SENP1: variants seen among roughly 807,000 people sequenced by gnomAD.
The protein encoded by SENP1 is sentrin-specific protease 1.
A neutral mutation model predicts 93.0 loss-of-function variants in SENP1; 21 were observed. That is an observed-to-expected ratio of 0.23 (90% CI 0.16 to 0.33). The LOEUF (loss-of-function observed/expected upper bound fraction) is 0.33, where lower values mean the gene tolerates loss of function less well. SENP1 is among the 10% of genes least tolerant of loss of function. The pLI, the probability that SENP1 is intolerant of heterozygous loss-of-function variation, is 1.00. For missense variants in SENP1, 591 were observed against 758.7 expected (o/e 0.78, Z 2.60); for synonymous variants, 256 against 259.6 (o/e 0.99, Z 0.13).
chr12:48,064,811 G>A (rs1018691324), intron 12 of SENP1, among the ~76,000 whole-genome samples: 2 of 151,976 alleles, frequency 1.3e-5, no homozygotes, highest in African/African-American at 4.8e-5. Flanking sequence ...TGTGTAGCTG[G>A]GATTACAGGT....
rs147415190 is a variant in SENP1 at position 48,087,600 on chromosome 12, G to A, written c.380+1201C>T. On this transcript the variant is annotated intron_variant, in intron 5 of 17. Coordinates refer to ENST00000549518, the MANE Select transcript of SENP1 (RefSeq NM_001267594.2). The stretch of plus-strand genomic sequence containing the variant: ...TTGGAAGGAAACACACCAAGGAAAA[G>A]GGATTGGGATTGTGGGTAGTGGTCA... Among the ~76,000 whole-genome samples the A allele has an allele frequency of 4.3e-3, 650 of 152,322 alleles. 4 individuals carry two copies. Among genetic ancestry groups the A allele is most frequent in the Non-Finnish European group, 6.0e-3 (411 of 68,034 alleles).
chr12:48,100,779 G>C (rs1945871463), intron 2 of SENP1, among the ~76,000 whole-genome samples: 1 of 152,188 alleles, frequency 6.6e-6, no homozygotes, highest in Non-Finnish European at 1.5e-5. Flanking sequence ...GTTTCCTTGT[G>C]ATATAATAGG....
At chr12:48,048,384 A>G (rs552492500) in intron 14 of SENP1, among the ~76,000 whole-genome samples, 58 of 152,334 alleles carry the variant, frequency 3.8e-4, no homozygotes, top group Non-Finnish European at 4.1e-4. Context: ...TTTTCAGGGA[A>G]TATAAGGTGA....
At chr12:48,099,998 A>G (rs759220404) in intron 2 of SENP1, among the ~76,000 whole-genome samples, 2 of 152,338 alleles carry the variant, frequency 1.3e-5, no homozygotes, top group Non-Finnish European at 2.9e-5. Flanking sequence ...AACGACTTAC[A>G]CTGCTATCAG....
At position 48,045,083 on chromosome 12, in the gene SENP1, C is replaced by A; in HGVS notation, c.*239G>T. 2.1e-6 allele frequency: 1 copy of A among 486,962 alleles called. No individual in the cohort carries two copies. The highest frequency in any genetic ancestry group is 3.7e-6 in the Non-Finnish European group (1 of 269,370). The allele number at this position is 486,962 out of a possible 1,614,324, so 30.2% of individuals were successfully genotyped here. A position where few individuals can be genotyped will look rare whatever the true frequency, so the allele number is the denominator to read the frequency against. ...TGAAGAAGTGAAAAGCAGTCTCTCT[C>A]TTCAGCTTAGGGATGTCCCTCACCC... On this transcript the variant is annotated 3_prime_UTR_variant, in exon 18 of 18. Transcript: ENST00000549518.
chr12:48,079,902 C>A (rs182778441), intron 6 of SENP1, among the ~76,000 whole-genome samples: 144 of 152,236 alleles, frequency 9.5e-4, no homozygotes, highest in Non-Finnish European at 1.1e-3. Flanking sequence ...CAATAATTTT[C>A]TGAGTCCCAA....
chr12:48,079,844 T>C, intron 6 of SENP1, among the ~76,000 whole-genome samples: 1 of 152,344 alleles, frequency 6.6e-6, no homozygotes, highest in South Asian at 2.1e-4. Flanking sequence ...TTTCATTTTG[T>C]TTAAAGTAAT....
chr12:48,071,671 G>A lies in SENP1; in HGVS notation c.991C>T (p.Pro331Ser). ...LKVKDSQTPT[P>S]SSTFFQAELW... ...CAAGCTTTTTCCAAAGTTTACCTGG[G>A]AGTTGGAGTCTGGGAATCTTTCACT... The change falls in exon 9 of 18, where the codon CCC becomes TCC. Residue 331 changes from proline to serine, a missense_variant. Physicochemically the swap from Pro to Ser is moderately conservative, Grantham distance 74. This residue lies in a region of SENP1 where 238 missense variants were observed against 259.1 expected (regional missense o/e 0.92). Coordinates refer to ENST00000549518, the MANE Select transcript of SENP1 (RefSeq NM_001267594.2). The A allele has an allele frequency of 6.2e-7, 1 of 1,601,106 alleles. No homozygotes were observed. Among genetic ancestry groups the A allele is most frequent in the Non-Finnish European group, 8.6e-7 (1 of 1,169,054 alleles).
intron 6 of SENP1, among the ~76,000 whole-genome samples, chr12:48,079,722 A>C (rs1944376684): frequency 6.6e-6 from 1 of 151,482 alleles, no homozygotes; most frequent in Non-Finnish European, 1.5e-5. Context: ...CCATCATAAA[A>C]GAACTATAAA....
intron 11 of SENP1, 51 bp from the exon 12 acceptor site, chr12:48,065,271 C>T: frequency 7.2e-7 from 1 of 1,396,362 alleles, no homozygotes. Flanking sequence ...TGTGGATGTT[C>T]CTTGATTTAT....
chr12:48,063,675 T>C, intron 13 of SENP1, 35 bp downstream of exon 13: 1 of 1,590,686 alleles, frequency 6.3e-7, no homozygotes, highest in Non-Finnish European at 8.6e-7. Flanking sequence ...CACTTAATGT[T>C]TACTATTTGT....
At chr12:48,062,084 G>A (rs1250035751) in intron 13 of SENP1, among the ~76,000 whole-genome samples, 1 of 152,124 alleles carries the variant, frequency 6.6e-6, no homozygotes, top group Non-Finnish European at 1.5e-5. Flanking sequence ...CCTGATGAAT[G>A]CTGTCTCTGT....
At chr12:48,072,979 T>C (rs1034683047) in intron 8 of SENP1, among the ~76,000 whole-genome samples, 1 of 147,762 alleles carries the variant, frequency 6.8e-6, no homozygotes, top group Non-Finnish European at 1.5e-5. Flanking sequence ...GGTGGGGGAA[T>C]GGAAGAGGGA....
At chr12:48,064,532 T>C (rs1341042936) in intron 12 of SENP1, among the ~76,000 whole-genome samples, 2 of 152,236 alleles carry the variant, frequency 1.3e-5, no homozygotes, top group Non-Finnish European at 2.9e-5. Context: ...ATGTATTAAA[T>C]GCTTCTTCAC....
chr12:48,057,057 TATAA>T (rs1487178167), intron 13 of SENP1, among the ~76,000 whole-genome samples: 2 of 54,688 alleles, frequency 3.7e-5, no homozygotes, highest in South Asian at 6.0e-4. Context: ...ATATTACATA[TATAA>T]ATATATTATT....
chr12:48,083,510 C>G, intron 6 of SENP1, 81 bp downstream of exon 6: 1 of 1,119,776 alleles, frequency 8.9e-7, no homozygotes, highest in Non-Finnish European at 1.3e-6. Context: ...TCTTAAACAA[C>G]TAATTATTAA....
chr12:48,069,708 A>G (rs1460795408), intron 9 of SENP1, among the ~76,000 whole-genome samples: 3 of 152,210 alleles, frequency 2.0e-5, no homozygotes, highest in African/African-American at 7.2e-5. Flanking sequence ...ACTGAGGTTC[A>G]TAAGAGTAAC....
chr12:48,075,653 A>G (rs1275634317), intron 6 of SENP1, among the ~76,000 whole-genome samples: 2 of 152,216 alleles, frequency 1.3e-5, no homozygotes, highest in Admixed American at 6.5e-5. Context: ...ACATTCATTC[A>G]TTGACATGAA....
rs114279226 is a variant in SENP1 at position 48,083,380 on chromosome 12, A to C, written c.552+211T>G. Among the ~76,000 whole-genome samples, 1,071 of 152,344 alleles carry C rather than the reference A, an allele frequency of 7.0e-3. 20 individuals are homozygous for C. Among genetic ancestry groups the C allele is most frequent in the African/African-American group, 0.024 (1,018 of 41,576 alleles). ...CTGTCCAGCAGGCATAGAAGATATA[A>C]TAGTAAGACAAATAATGAAGTCCTG... On this transcript the variant is annotated intron_variant, in intron 6 of 17. Coordinates refer to ENST00000549518, the MANE Select transcript of SENP1 (RefSeq NM_001267594.2).
Sources: gnomAD v4.1 joint callset for allele counts (sites outside exome capture counted in the v4.1 genomes callset) on GRCh38, gnomAD v4.1.1 for gene constraint, gnomAD v4.1.1 regional missense constraint, MANE v1.5 for transcripts, NCBI Gene and HGNC (gene_info 2026-07-23, HGNC 2026-07-21) for gene names.